The following GPR174 variants were observed in gnomAD, a reference collection of about 807,000 sequenced individuals.
The protein encoded by GPR174 is G protein-coupled receptor 174.
GPR174 carries 8 observed loss-of-function variants against 16.5 expected under a neutral mutation model. The ratio of observed to expected loss-of-function variants is 0.48; its 90% CI spans 0.28 to 0.87. The LOEUF is 0.87. GPR174 is among the 40% of genes least tolerant of loss of function. GPR174 has a pLI of 0.09. For synonymous variants in GPR174, 111 were observed against 94.8 expected (o/e 1.17, Z -0.99); for missense variants, 214 against 247.5 (o/e 0.86, Z 0.91).
chrX:79,166,432 C>CTTTTTTTTTTTTT (rs1174620976), intron 2 of GPR174, among the ~76,000 whole-genome samples: 601 of 43,557 alleles, frequency 0.014, 8 homozygotes, highest in Middle Eastern at 0.038. Context: ...TTTCTTTTTT[C>CTTTTTTTTTTTTT]TTTTTTTTTT....
intron 2 of GPR174, 37 bp from the exon 3 acceptor site, chrX:79,170,415 G>A (rs1921482177): frequency 9.3e-6 from 1 of 107,084 alleles, no homozygotes; most frequent in Admixed American, 1.0e-4. Context: ...TCAAAGCTGG[G>A]CCAGGAAATA....
At chrX:79,155,026 T>C (rs1325294011) in intron 1 of GPR174, among the ~76,000 whole-genome samples, 3 of 111,903 alleles carry the variant, frequency 2.7e-5, no homozygotes, top group African/African-American at 9.7e-5. Flanking sequence ...AATTAAATGA[T>C]TAAAAATTAA....
chrX:79,172,907 C>T lies in GPR174; in HGVS notation c.*898C>T, dbSNP rs1244079727. On this transcript the variant is annotated 3_prime_UTR_variant, in exon 3 of 3. Transcript: ENST00000645147. ...AGTTTTTATCATGTTTCTAGAGATACATTGAGGTAATGTTGACAGGTTCCT... is the reference window on the plus strand; with the variant it reads ...AGTTTTTATCATGTTTCTAGAGATATATTGAGGTAATGTTGACAGGTTCCT... 1.8e-5 allele frequency: 2 copies of T among 111,869 alleles called. No homozygotes were observed. Among genetic ancestry groups the T allele is most frequent in the African/African-American group, 6.5e-5 (2 of 30,759 alleles). The allele number at this position is 111,869 out of a possible 1,213,427, so 9.2% of individuals were successfully genotyped here. A position where few individuals can be genotyped will look rare whatever the true frequency, so the allele number is the denominator to read the frequency against.
chrX:79,165,624 C>T (rs1404193765), intron 2 of GPR174, among the ~76,000 whole-genome samples: 1 of 111,762 alleles, frequency 8.9e-6, no homozygotes, highest in Non-Finnish European at 1.9e-5. Flanking sequence ...CTTAAAATCA[C>T]ACCATATAGA....
intron 2 of GPR174, among the ~76,000 whole-genome samples, chrX:79,157,811 C>T (rs1374709657): frequency 9.1e-6 from 1 of 110,399 alleles, no homozygotes; most frequent in Non-Finnish European, 1.9e-5. Context: ...CAAGCACAAG[C>T]CTTGATATCT....
Position 79,171,861 on chromosome X carries a change from C to T in GPR174, c.854C>T (p.Ser285Leu), listed in dbSNP as rs1234698929. 1 of 1,209,437 alleles carries T rather than the reference C, an allele frequency of 8.3e-7. No individual in the cohort carries two copies. Among genetic ancestry groups the T allele is most frequent in the African/African-American group, 1.8e-5 (1 of 57,017 alleles). Residue 285 changes from serine (S) to leucine (L), a missense_variant, in exon 3 of 3, where the codon TCA becomes TTA. Transcript: ENST00000645147. ...SVALCLASLNSCLDPVIYYFS... is the reference protein window; with the variant it reads ...SVALCLASLNLCLDPVIYYFS... ...GCATTGTGTCTTGCTAGTCTGAATT[C>T]ATGTCTTGACCCAGTCATATACTAC...
chrX:79,171,966 T>C lies in GPR174; in HGVS notation c.959T>C (p.Val320Ala). Residue 320 changes from valine to alanine, a missense_variant, in exon 3 of 3, where the codon GTG becomes GCG. By Grantham distance (64) the Val-to-Ala change is moderately conservative (BLOSUM62 0). Transcript: ENST00000645147. Reference sequence around the variant, plus strand: ...ATCCAACTCCATGCAAAATCCTTTGTGAGTAACCATACAGCTTCCACCATG... The same window carrying C: ...ATCCAACTCCATGCAAAATCCTTTGCGAGTAACCATACAGCTTCCACCATG... ...DSIQLHAKSFVSNHTASTMTP... is the reference protein window; with the variant it reads ...DSIQLHAKSFASNHTASTMTP... 1 of 1,205,461 alleles carries C rather than the reference T, an allele frequency of 8.3e-7. No homozygotes were observed. Among genetic ancestry groups the C allele is most frequent in the Non-Finnish European group, 1.1e-6 (1 of 892,716 alleles).
intron 2 of GPR174, among the ~76,000 whole-genome samples, chrX:79,169,025 T>A (rs1921444707): frequency 9.0e-6 from 1 of 111,692 alleles, no homozygotes; most frequent in African/African-American, 3.3e-5. Context: ...GATGAACATA[T>A]TCATATTCAT....
chrX:79,149,600 A>G (rs747517256), intron 1 of GPR174, among the ~76,000 whole-genome samples: 1 of 111,827 alleles, frequency 8.9e-6, no homozygotes, highest in South Asian at 3.7e-4. Flanking sequence ...TTAGGGTTAA[A>G]AAGAGAATTC....
At position 79,172,193 on chromosome X, in the gene GPR174, G is replaced by C; in HGVS notation, c.*184G>C. The C allele has an allele frequency of 2.3e-6, 1 of 427,894 alleles. No homozygotes were observed. The highest frequency in any genetic ancestry group is 4.0e-6 in the Non-Finnish European group (1 of 252,196). 35.3% of individuals were successfully genotyped at this position (427,894 alleles called of 1,213,427 possible). A position where few individuals can be genotyped will look rare whatever the true frequency, so the allele number is the denominator to read the frequency against. On this transcript the variant is annotated 3_prime_UTR_variant, in exon 3 of 3. Transcript: ENST00000645147. Reference sequence around the variant, plus strand: ...TGGAGCATTACGATCCACGATTATTGATGTTGACATGTCCATGTAGTAATT... The same window carrying C: ...TGGAGCATTACGATCCACGATTATTCATGTTGACATGTCCATGTAGTAATT...
intron 2 of GPR174, among the ~76,000 whole-genome samples, chrX:79,167,136 G>C (rs1485281292): frequency 2.7e-5 from 3 of 112,122 alleles, no homozygotes; most frequent in Non-Finnish European, 5.6e-5. Flanking sequence ...GGAAAACACA[G>C]TGAATTCCTG....
chrX:79,158,004 C>T, intron 2 of GPR174, among the ~76,000 whole-genome samples: 1 of 107,516 alleles, frequency 9.3e-6, no homozygotes, highest in South Asian at 4.3e-4. Context: ...CGCACATATC[C>T]CCTTCATGTG....
At chrX:79,166,337 A>G (rs1212135032) in intron 2 of GPR174, among the ~76,000 whole-genome samples, 1 of 111,079 alleles carries the variant, frequency 9.0e-6, no homozygotes, top group Non-Finnish European at 1.9e-5. Context: ...ATCACAAGTT[A>G]AACAGTAGTC....
intron 1 of GPR174, among the ~76,000 whole-genome samples, chrX:79,154,782 G>C (rs1921057608): frequency 9.0e-6 from 1 of 111,041 alleles, no homozygotes; most frequent in Admixed American, 9.6e-5. Context: ...CCACTAATTA[G>C]TGATAAGGCC....
intron 2 of GPR174, among the ~76,000 whole-genome samples, chrX:79,158,733 C>T (rs1394942760): frequency 9.6e-6 from 1 of 104,286 alleles, no homozygotes; most frequent in African/African-American, 3.5e-5. Context: ...TGAGCCACCG[C>T]ACCCAGCCGA....
chrX:79,166,290 C>T (rs1602342411), intron 2 of GPR174, among the ~76,000 whole-genome samples: 1 of 110,679 alleles, frequency 9.0e-6, no homozygotes, highest in African/African-American at 3.3e-5. Context: ...AGTCTTTTAA[C>T]CATGTATAGA....
intron 2 of GPR174, among the ~76,000 whole-genome samples, chrX:79,157,720 A>C (rs1446725175): frequency 9.0e-6 from 1 of 111,536 alleles, no homozygotes; most frequent in Non-Finnish European, 1.9e-5. Context: ...TGGAAGATGC[A>C]GATTCAGAGC....
chrX:79,163,682 T>A (rs1284051913), intron 2 of GPR174, among the ~76,000 whole-genome samples: 1 of 112,355 alleles, frequency 8.9e-6, no homozygotes, highest in Non-Finnish European at 1.9e-5. Flanking sequence ...TCACCAAAAA[T>A]GAGCCAAATA....
At chrX:79,149,049 CAT>C (rs1034601963) in intron 1 of GPR174, among the ~76,000 whole-genome samples, 8 of 111,844 alleles carry the variant, frequency 7.2e-5, no homozygotes, top group African/African-American at 2.6e-4. Flanking sequence ...TTATTTCTCA[CAT>C]ATGTTTTTAC....
Sources: allele counts gnomAD v4.1 joint callset (sites outside exome capture counted in the v4.1 genomes callset), GRCh38; gene constraint gnomAD v4.1.1; transcripts MANE v1.5; gene names NCBI Gene and HGNC (gene_info 2026-07-23, HGNC 2026-07-21).